Variants in LRRN3 observed in about 807,000 individuals in gnomAD.
LRRN3 encodes the protein leucine-rich repeat neuronal protein 3.
LRRN3 carries 15 observed loss-of-function variants against 40.1 expected under a neutral mutation model. That is an observed-to-expected ratio of 0.37 (90% CI 0.25 to 0.58). The LOEUF (loss-of-function observed/expected upper bound fraction) is 0.58, where lower values mean the gene tolerates loss of function less well. LRRN3 is among the 20% of genes least tolerant of loss of function. LRRN3 has a pLI of 0.72. For missense variants in LRRN3, 746 were observed against 837.7 expected (o/e 0.89, Z 1.35); for synonymous variants, 308 against 297.2 (o/e 1.04, Z -0.37).
In LRRN3 at chr7:111,106,924, ATT is replaced by A. The variant is rs1798613200; in HGVS notation, c.-359+6964_-359+6965del. Among the ~76,000 whole-genome samples, 3 of 151,884 alleles carry A rather than the reference ATT, an allele frequency of 2.0e-5. 1 individual carries two copies. Among genetic ancestry groups the A allele is most frequent in the Admixed American group, 1.3e-4 (2 of 15,204 alleles). ...TCATTCAATAGTACCATGCAGAATG[ATT>A]TGCTTAATAGCATTTCTAATATGTT... On this transcript the variant is annotated intron_variant, in intron 2 of 2. Transcript: ENST00000308478.
rs542004027 is a variant in LRRN3, at chr7:111,111,976, C to T, written c.-358-10439C>T. Among the ~76,000 whole-genome samples, 703 of 95,164 alleles carry T rather than the reference C, an allele frequency of 7.4e-3. 6 individuals carry two copies. The highest frequency in any genetic ancestry group is 0.028 in the Middle Eastern group (2 of 72). 62.4% of individuals were successfully genotyped at this position (95,164 alleles called of 152,430 possible). On this transcript the variant is annotated intron_variant, in intron 2 of 2. Transcript: ENST00000308478. ...TTTTTTTTTTTTTTTGAGATGGAGT[C>T]TTGCTCTGTCTCCCAGGCTGGAGTG...
chr7:111,101,521 T>C (rs17439799), intron 2 of LRRN3, among the ~76,000 whole-genome samples: 69,593 of 151,130 alleles, frequency 0.46, 17,271 homozygotes, highest in Non-Finnish European at 0.57. Context: ...GTCCACTGTC[T>C]ACCATTTTTG....
chr7:111,092,869 C>CT (rs980506867), intron 1 of LRRN3, among the ~76,000 whole-genome samples: 2 of 152,154 alleles, frequency 1.3e-5, no homozygotes, highest in Non-Finnish European at 2.9e-5. Flanking sequence ...TCTCTCCTGC[C>CT]TTCTTTTAGT....
At chr7:111,103,560 C>T (rs1478941642) in intron 2 of LRRN3, among the ~76,000 whole-genome samples, 1 of 151,542 alleles carries the variant, frequency 6.6e-6, no homozygotes, top group Non-Finnish European at 1.5e-5. Flanking sequence ...TTATGATAAT[C>T]AGAGCCAAAT....
rs975096771 is a variant in LRRN3, at chr7:111,119,454, A to C, written c.-358-2961A>C. Reference sequence around the variant, plus strand: ...ATTGGCATGTAGAAAGTGCTCAATAAATGTTGACTGGATAAATTGAAGAAT... The same window carrying C: ...ATTGGCATGTAGAAAGTGCTCAATACATGTTGACTGGATAAATTGAAGAAT... On this transcript the variant is annotated intron_variant, in intron 2 of 2. Coordinates refer to ENST00000308478, the MANE Select transcript of LRRN3 (RefSeq NM_001099658.2). 5.9e-5 allele frequency among the ~76,000 whole-genome samples: 9 copies of C among 152,340 alleles called. No homozygotes were observed. In the South Asian group the frequency reaches 1.2e-3, roughly 21 times the overall value.
intron 2 of LRRN3, among the ~76,000 whole-genome samples, chr7:111,102,015 T>C (rs1186920537): frequency 1.3e-5 from 2 of 151,102 alleles, no homozygotes; most frequent in South Asian, 2.1e-4. Context: ...GGAACTCAAA[T>C]GAGGGCCATG....
chr7:111,104,070 C>G (rs1332975764), intron 2 of LRRN3, among the ~76,000 whole-genome samples: 1 of 151,640 alleles, frequency 6.6e-6, no homozygotes. Flanking sequence ...TTTTCACTTC[C>G]CCAGCATAAC....
intron 2 of LRRN3, among the ~76,000 whole-genome samples, chr7:111,101,725 G>A (rs189838615): frequency 2.0e-5 from 3 of 151,536 alleles, no homozygotes; most frequent in African/African-American, 7.2e-5. Context: ...ATAGCTAAAT[G>A]AGTTAGGGGT....
intron 2 of LRRN3, among the ~76,000 whole-genome samples, chr7:111,107,745 T>C (rs1351285604): frequency 6.6e-6 from 1 of 152,128 alleles, no homozygotes; most frequent in Non-Finnish European, 1.5e-5. Flanking sequence ...AATAATTTTG[T>C]TGGCTAATAA....
At chr7:111,118,451 T>A (rs1158098565) in intron 2 of LRRN3, among the ~76,000 whole-genome samples, 2 of 152,072 alleles carry the variant, frequency 1.3e-5, no homozygotes, top group African/African-American at 4.8e-5. Context: ...ATATAAGATA[T>A]GAGAATTCTT....
At chr7:111,113,321 G>C (rs1434625103) in intron 2 of LRRN3, among the ~76,000 whole-genome samples, 1 of 152,050 alleles carries the variant, frequency 6.6e-6, no homozygotes, top group Non-Finnish European at 1.5e-5. Flanking sequence ...GCATATCTAT[G>C]CTTCAAAACC....
At chr7:111,113,111 C>A (rs1799438652) in intron 2 of LRRN3, among the ~76,000 whole-genome samples, 1 of 152,038 alleles carries the variant, frequency 6.6e-6, no homozygotes, top group African/African-American at 2.4e-5. Context: ...GTAATGTTCC[C>A]CTCCAAAATA....
intron 1 of LRRN3, among the ~76,000 whole-genome samples, chr7:111,097,918 C>T (rs214889): frequency 0.013 from 2,038 of 151,798 alleles, 40 homozygotes; most frequent in African/African-American, 0.047. Context: ...GGTTAATGAC[C>T]TTAAACTGCA....
At chr7:111,119,738 A>T (rs1800354977) in intron 2 of LRRN3, among the ~76,000 whole-genome samples, 1 of 152,204 alleles carries the variant, frequency 6.6e-6, no homozygotes, top group South Asian at 2.1e-4. Flanking sequence ...TTGAGCACAT[A>T]CTACATTATA....
chr7:111,104,630 A>C (rs2129580988), intron 2 of LRRN3, among the ~76,000 whole-genome samples: 1 of 151,880 alleles, frequency 6.6e-6, no homozygotes, highest in East Asian at 1.9e-4. Flanking sequence ...AGTCTTTTTG[A>C]TTCGGGGAGC....
At chr7:111,092,396 G>A (rs551466487) in intron 1 of LRRN3, among the ~76,000 whole-genome samples, 1 of 152,180 alleles carries the variant, frequency 6.6e-6, no homozygotes, top group South Asian at 2.1e-4. Flanking sequence ...GGCTTAATTC[G>A]GCTCTAATTT....
intron 2 of LRRN3, among the ~76,000 whole-genome samples, chr7:111,109,141 G>T (rs922950850): frequency 4.6e-5 from 7 of 152,128 alleles, no homozygotes; most frequent in African/African-American, 1.7e-4. Flanking sequence ...GTATTATCAA[G>T]AAGAATTAAA....
intron 2 of LRRN3, among the ~76,000 whole-genome samples, chr7:111,122,096 T>C (rs1227670838): frequency 1.4e-5 from 2 of 139,308 alleles, no homozygotes; most frequent in Admixed American, 7.1e-5. Context: ...GGGGGAGGGA[T>C]AGCATTAGGA....
chr7:111,124,156 CA>C lies in LRRN3; in HGVS notation c.1389del (p.Lys463AsnfsTer7). On this transcript the variant is annotated frameshift_variant, in exon 3 of 3. Transcript: ENST00000308478. LOFTEE classifies it high-confidence loss of function. ...AATCTACTGGATAACACCTTCTGGT[CA>C]AAAACTCTTGCCTAATACCCTGACA... is the stretch of plus-strand genomic sequence containing the variant. ...PEIYWITPSG[Q>X]KLLPNTLTDK... 1 of 1,613,858 alleles carries C rather than the reference CA, an allele frequency of 6.2e-7. No individual in the cohort carries two copies. Among genetic ancestry groups the C allele is most frequent in the Non-Finnish European group, 8.5e-7 (1 of 1,179,954 alleles).
Sources: allele counts gnomAD v4.1 joint callset (sites outside exome capture counted in the v4.1 genomes callset), GRCh38; gene constraint gnomAD v4.1.1; transcripts MANE v1.5; gene names NCBI Gene and HGNC (gene_info 2026-07-23, HGNC 2026-07-21).